Variants in PCDHGA3 observed in about 807,000 individuals in gnomAD.
PCDHGA3 encodes the protein protocadherin gamma-A3.
In PCDHGA3, 40 loss-of-function variants were observed where a neutral mutation model predicts 58.5. The ratio of observed to expected loss-of-function variants is 0.68; its 90% CI spans 0.53 to 0.89. The LOEUF is 0.89. Among genes scored for constraint, PCDHGA3 ranks in the 40% least tolerant of loss-of-function variants. The pLI is 0.00. For synonymous variants in PCDHGA3, 530 were observed against 525.7 expected (o/e 1.01, Z -0.11); for missense variants, 1,223 against 1,195.9 (o/e 1.02, Z -0.33).
At chr5:141,372,937 G>C (rs894509866) in intron 1 of PCDHGA3, 5 of 831,174 alleles carry the variant, frequency 6.0e-6, no homozygotes, top group Non-Finnish European at 9.0e-6. Context: ...GTGTAGAGTA[G>C]GGTGTCTAGG....
At position 141,437,148 on chromosome 5, in the gene PCDHGA3, A is replaced by T. The variant is rs1196014608; in HGVS notation, c.2425-57659A>T. ...GTTGATAATTTAGGATTCATAATTA[A>T]CATATGTGTTGATTGTTTTCTGAGA... is the stretch of plus-strand genomic sequence containing the variant. On this transcript the variant is annotated intron_variant, in intron 1 of 3. Coordinates refer to ENST00000253812, the MANE Select transcript of PCDHGA3 (RefSeq NM_018916.4). Among the ~76,000 whole-genome samples the T allele has an allele frequency of 2.0e-5, 3 of 152,214 alleles. No individual in the cohort carries two copies. In the East Asian group the frequency reaches 5.8e-4, roughly 29 times the overall value.
At chr5:141,365,388 C>G in intron 1 of PCDHGA3, 1 of 1,613,966 alleles carries the variant, frequency 6.2e-7, no homozygotes, top group South Asian at 1.1e-5. Context: ...ACCTCTCTGA[C>G]CAGTTCGATC....
intron 1 of PCDHGA3, chr5:141,357,243 A>G (rs1301532002): frequency 6.2e-7 from 1 of 1,613,644 alleles, no homozygotes; most frequent in African/African-American, 1.3e-5. Flanking sequence ...TCAAGCCTTC[A>G]GCAGACCCAG....
In PCDHGA3 at chr5:141,476,715, G is replaced by A. The variant is rs199871912; in HGVS notation, c.2425-18092G>A. 12 of 1,614,168 alleles carry A rather than the reference G, an allele frequency of 7.4e-6. No individual in the cohort carries two copies. The highest frequency in any genetic ancestry group is 1.7e-5 in the Admixed American group (1 of 60,032). On this transcript the variant is annotated intron_variant, in intron 1 of 3. Coordinates refer to ENST00000253812, the MANE Select transcript of PCDHGA3 (RefSeq NM_018916.4). The surrounding 1 kb of genome is among the most constrained non-coding windows in gnomAD (Gnocchi z 7.6). ...AAGTACGCGGAGCTGGTGTTGGAGC[G>A]CGCCCTGGACCGAGAACGGGAGCCT...
intron 1 of PCDHGA3, among the ~76,000 whole-genome samples, chr5:141,429,527 T>TA (rs1321273157): frequency 1.3e-5 from 2 of 152,038 alleles, no homozygotes; most frequent in African/African-American, 4.8e-5. Flanking sequence ...GAAAAAAGCT[T>TA]AAAAAAATAA....
intron 1 of PCDHGA3, chr5:141,403,949 G>T: frequency 1.2e-6 from 2 of 1,613,886 alleles, no homozygotes; most frequent in Non-Finnish European, 1.7e-6. Flanking sequence ...GTGGACAAAA[G>T]TGCTCATTTC....
At chr5:141,415,002 C>T in intron 1 of PCDHGA3, 2 of 1,613,668 alleles carry the variant, frequency 1.2e-6, no homozygotes, top group East Asian at 2.2e-5. Flanking sequence ...CCTGGCTGTC[C>T]TACCGTCTGC....
At position 141,490,707 on chromosome 5, in the gene PCDHGA3, C is replaced by T; in HGVS notation, c.2425-4100C>T. ...CAGACACTGGGGATAATGCCCGCCT[C>T]ACCTACTCCATTGTAGGAAATCAGG... On this transcript the variant is annotated intron_variant, in intron 1 of 3. Transcript: ENST00000253812. The surrounding 1 kb of genome is among the most constrained non-coding windows in gnomAD (Gnocchi z 5.4). The T allele has an allele frequency of 3.1e-6, 5 of 1,614,194 alleles. No individual in the cohort carries two copies. Among genetic ancestry groups the T allele is most frequent in the Non-Finnish European group, 3.4e-6 (4 of 1,180,008 alleles).
Position 141,408,894 on chromosome 5 carries a change from C to T in PCDHGA3, c.2424+62437C>T, listed in dbSNP as rs778126197. 71 of 1,613,186 alleles carry T rather than the reference C, an allele frequency of 4.4e-5. No homozygotes were observed. The Middle Eastern group carries it at 4.9e-4, about 11-fold the overall frequency. ...AGTGCCACCGCTCACATAGAAATTT[C>T]TGTCAAGGATACCAATGATAACCCC... On this transcript the variant is annotated intron_variant, in intron 1 of 3. Transcript: ENST00000253812.
At chr5:141,381,657 C>A (rs1224064730) in intron 1 of PCDHGA3, among the ~76,000 whole-genome samples, 1 of 152,134 alleles carries the variant, frequency 6.6e-6, no homozygotes, top group Non-Finnish European at 1.5e-5. Context: ...AAATGGGTTG[C>A]TTCTATAGCT....
At chr5:141,430,841 T>C (rs757539834) in intron 1 of PCDHGA3, 1 of 1,566,462 alleles carries the variant, frequency 6.4e-7, no homozygotes, top group South Asian at 1.2e-5. Flanking sequence ...GGAGACCGGA[T>C]GCACCCAGAT....
Sources: gnomAD v4.1 joint callset for allele counts (sites outside exome capture counted in the v4.1 genomes callset) on GRCh38, gnomAD v4.1.1 for gene constraint, Gnocchi (gnomAD v3.1) non-coding constraint, MANE v1.5 for transcripts, NCBI Gene and HGNC (gene_info 2026-07-23, HGNC 2026-07-21) for gene names.